The following SMAD6 variants were observed in gnomAD, a reference collection of about 807,000 sequenced individuals.
SMAD6 encodes MAD homolog 6.
A neutral mutation model predicts 39.4 loss-of-function variants in SMAD6; 103 were observed. The ratio of observed to expected loss-of-function variants is 2.62; its 90% CI spans 2.23 to 3.08. The LOEUF is 3.08. Ranked by LOEUF, SMAD6 falls within the 30% of genes most tolerant of loss-of-function variation. The pLI, the probability that SMAD6 is intolerant of heterozygous loss-of-function variation, is 0.00. For synonymous variants in SMAD6, 445 were observed against 353.3 expected (o/e 1.26, Z -2.91); for missense variants, 1,104 against 742.9 (o/e 1.49, Z -5.65).
At chr15:66,729,857 G>A (rs1347680310) in intron 3 of SMAD6, among the ~76,000 whole-genome samples, 1 of 152,218 alleles carries the variant, frequency 6.6e-6, no homozygotes, top group Non-Finnish European at 1.5e-5. Flanking sequence ...ACCGCGGCCG[G>A]GCCAGTCAGC....
chr15:66,737,986 G>C (rs1022399761), intron 3 of SMAD6, among the ~76,000 whole-genome samples: 4 of 152,190 alleles, frequency 2.6e-5, no homozygotes, highest in African/African-American at 7.2e-5. Flanking sequence ...TAATAAAAAG[G>C]CTGATACAAT....
chr15:66,774,944 G>A (rs1398779470), intron 3 of SMAD6, among the ~76,000 whole-genome samples: 2 of 151,800 alleles, frequency 1.3e-5, no homozygotes, highest in African/African-American at 2.4e-5. Context: ...TCACTGCAGC[G>A]TCCGCCTCCC....
intron 3 of SMAD6, among the ~76,000 whole-genome samples, chr15:66,750,357 A>G (rs1454258491): frequency 2.0e-5 from 3 of 152,230 alleles, no homozygotes; most frequent in African/African-American, 7.2e-5. Context: ...GTCCTTCTGT[A>G]TGCTCAGAAG....
chr15:66,743,818 T>C (rs1893858106), intron 3 of SMAD6, among the ~76,000 whole-genome samples: 1 of 152,226 alleles, frequency 6.6e-6, no homozygotes, highest in South Asian at 2.1e-4. Flanking sequence ...GTAGCTCTTT[T>C]CTCTTAGCAA....
intron 3 of SMAD6, among the ~76,000 whole-genome samples, chr15:66,773,270 C>A (rs1344615293): frequency 6.6e-6 from 1 of 152,084 alleles, no homozygotes; most frequent in Non-Finnish European, 1.5e-5. Context: ...CTGGGCCCAG[C>A]GTTTGGAAAG....
At chr15:66,771,720 TG>T (rs1373004290) in intron 3 of SMAD6, among the ~76,000 whole-genome samples, 1 of 152,230 alleles carries the variant, frequency 6.6e-6, no homozygotes, top group Non-Finnish European at 1.5e-5. Flanking sequence ...TTCTGCCTCC[TG>T]GACTTGCACA....
intron 3 of SMAD6, among the ~76,000 whole-genome samples, chr15:66,735,260 C>CT (rs1381457425): frequency 6.6e-6 from 1 of 152,240 alleles, no homozygotes; most frequent in Non-Finnish European, 1.5e-5. Flanking sequence ...GGGTGCCTGC[C>CT]TATTTGGCCT....
chr15:66,764,951 A>T (rs1249230292), intron 3 of SMAD6, among the ~76,000 whole-genome samples: 1 of 152,158 alleles, frequency 6.6e-6, no homozygotes, highest in African/African-American at 2.4e-5. Flanking sequence ...TTTCACCGCC[A>T]TAGGGCTCCA....
At chr15:66,764,740 C>T (rs528791091) in intron 3 of SMAD6, among the ~76,000 whole-genome samples, 3 of 152,210 alleles carry the variant, frequency 2.0e-5, no homozygotes, top group African/African-American at 4.8e-5. Context: ...CGTAAGTGTT[C>T]GTCCTTGCTA....
intron 1 of SMAD6, among the ~76,000 whole-genome samples, chr15:66,709,358 C>T (rs1173224213): frequency 2.0e-5 from 3 of 152,188 alleles, no homozygotes; most frequent in South Asian, 4.1e-4. Context: ...CATTGGAACT[C>T]CCAACTCAGC....
chr15:66,775,952 C>A (rs1894460047), intron 3 of SMAD6, among the ~76,000 whole-genome samples: 1 of 152,176 alleles, frequency 6.6e-6, no homozygotes, highest in African/African-American at 2.4e-5. Flanking sequence ...GAGTGGGGAC[C>A]ATGGGTTAGG....
intron 3 of SMAD6, among the ~76,000 whole-genome samples, chr15:66,767,460 C>A (rs1595796864): frequency 6.6e-6 from 1 of 152,280 alleles, no homozygotes; most frequent in Non-Finnish European, 1.5e-5. Context: ...GCACCCTTCA[C>A]CCCTGATCAT....
At chr15:66,711,456 G>A (rs1298471216) in intron 1 of SMAD6, among the ~76,000 whole-genome samples, 1 of 152,228 alleles carries the variant, frequency 6.6e-6, no homozygotes, top group Admixed American at 6.5e-5. Flanking sequence ...ACAGCCAAAG[G>A]TGGCAGAGCT....
chr15:66,703,164 G>T lies in SMAD6; in HGVS notation c.-95G>T. ...CGCTCCGCGGCGGAGCTTCATGTGG[G>T]GCTGCGACCCGCGCAGCCGGCGCCT... On this transcript the variant is annotated 5_prime_UTR_variant, in exon 1 of 4. Coordinates refer to ENST00000288840, the MANE Select transcript of SMAD6 (RefSeq NM_005585.5). 3 of 948,842 alleles carry T rather than the reference G, an allele frequency of 3.2e-6. No homozygotes were observed. Among genetic ancestry groups the T allele is most frequent in the Non-Finnish European group, 4.3e-6 (3 of 697,474 alleles). 58.8% of individuals were successfully genotyped at this position (948,842 alleles called of 1,614,324 possible).
intron 2 of SMAD6, among the ~76,000 whole-genome samples, chr15:66,715,320 G>A (rs1196330626): frequency 2.0e-5 from 3 of 150,014 alleles, no homozygotes; most frequent in Non-Finnish European, 4.4e-5. Flanking sequence ...ATTGGTTAAT[G>A]TTTTATCTTC....
intron 3 of SMAD6, among the ~76,000 whole-genome samples, chr15:66,731,484 A>G (rs956003033): frequency 6.6e-6 from 1 of 151,296 alleles, no homozygotes; most frequent in Admixed American, 6.6e-5. Context: ...TAGTCAGCCC[A>G]ACCCCAACCC....
At chr15:66,711,756 G>A (rs1381385358) in intron 2 of SMAD6, 32 bp downstream of exon 2, 2 of 1,576,594 alleles carry the variant, frequency 1.3e-6, no homozygotes, top group South Asian at 2.2e-5. Flanking sequence ...CCCTTGCAGA[G>A]GTGTGTCCCG....
chr15:66,741,724 T>C (rs565051725), intron 3 of SMAD6, among the ~76,000 whole-genome samples: 2 of 152,334 alleles, frequency 1.3e-5, no homozygotes, highest in East Asian at 3.9e-4. Context: ...GAACTCCATT[T>C]TGAAGTACAC....
At chr15:66,756,243 A>T (rs926528866) in intron 3 of SMAD6, among the ~76,000 whole-genome samples, 27 of 147,402 alleles carry the variant, frequency 1.8e-4, no homozygotes, top group African/African-American at 3.0e-4. Context: ...CTTTAAAAAA[A>T]TTTTTTTTTT....
Sources: gnomAD v4.1 joint callset for allele counts (sites outside exome capture counted in the v4.1 genomes callset) on GRCh38, gnomAD v4.1.1 for gene constraint, MANE v1.5 for transcripts, NCBI Gene and HGNC (gene_info 2026-07-23, HGNC 2026-07-21) for gene names.